Variants in NXPE4 observed in about 807,000 individuals in gnomAD.
The protein encoded by NXPE4 is neurexophilin and PC-esterase domain family member 4.
A neutral mutation model predicts 33.3 loss-of-function variants in NXPE4; 42 were observed. That is an observed-to-expected ratio of 1.26 (90% CI 0.98 to 1.63). The LOEUF (loss-of-function observed/expected upper bound fraction) is 1.63, where lower values mean the gene tolerates loss of function less well. Ranked by LOEUF, NXPE4 falls within the 40% of genes most tolerant of loss-of-function variation. The pLI is 0.00. For synonymous variants in NXPE4, 253 were observed against 234.9 expected (o/e 1.08, Z -0.71); for missense variants, 709 against 647.6 (o/e 1.09, Z -1.03).
the NXPE4 span, among the ~76,000 whole-genome samples, chr11:114,629,541 A>G: frequency 6.6e-6 from 1 of 151,966 alleles, no homozygotes; most frequent in Admixed American, 6.6e-5. Context: ...AGAGCTATCT[A>G]TGACAAACCC....
chr11:114,625,715 C>A, the NXPE4 span, among the ~76,000 whole-genome samples: 1 of 152,142 alleles, frequency 6.6e-6, no homozygotes, highest in Non-Finnish European at 1.5e-5. Flanking sequence ...CAGCTCCCAG[C>A]ATGAGCGACG....
the NXPE4 span, among the ~76,000 whole-genome samples, chr11:114,603,064 G>T: frequency 6.6e-6 from 1 of 151,196 alleles, no homozygotes; most frequent in Non-Finnish European, 1.5e-5. Flanking sequence ...TGTCTCATAG[G>T]TAACTATTAT....
At chr11:114,627,846 C>G in the NXPE4 span, among the ~76,000 whole-genome samples, 2 of 150,344 alleles carry the variant, frequency 1.3e-5, no homozygotes, top group African/African-American at 4.9e-5. Flanking sequence ...AAATGGAAAA[C>G]AAAAAAATGC....
chr11:114,588,959 T>C (rs982218826), intron 2 of NXPE4, among the ~76,000 whole-genome samples: 1 of 152,078 alleles, frequency 6.6e-6, no homozygotes, highest in African/African-American at 2.4e-5. Context: ...GTGGCCACCT[T>C]AGTCTTTTAT....
At chr11:114,636,922 A>G in the NXPE4 span, among the ~76,000 whole-genome samples, 2 of 152,136 alleles carry the variant, frequency 1.3e-5, no homozygotes, top group Admixed American at 6.6e-5. Context: ...TGTGTTGCTG[A>G]AAAAAATGTA....
chr11:114,666,174 A>G, the NXPE4 span, among the ~76,000 whole-genome samples: 1 of 152,066 alleles, frequency 6.6e-6, no homozygotes, highest in Admixed American at 6.6e-5. Flanking sequence ...TAAGGCTCTC[A>G]CATTTTCCCC....
chr11:114,622,906 G>GTTA, the NXPE4 span, among the ~76,000 whole-genome samples: 4 of 152,190 alleles, frequency 2.6e-5, no homozygotes, highest in African/African-American at 9.6e-5. Context: ...GGTAACCACT[G>GTTA]TTACCCTGTG....
At chr11:114,581,940 C>A (rs1186577935) in intron 3 of NXPE4, among the ~76,000 whole-genome samples, 154 bp from the exon 4 acceptor site, 4 of 152,102 alleles carry the variant, frequency 2.6e-5, no homozygotes, top group African/African-American at 9.7e-5. Flanking sequence ...CATTTCTTTG[C>A]CTATTAGGCT....
chr11:114,644,986 T>C, the NXPE4 span, among the ~76,000 whole-genome samples: 1 of 151,546 alleles, frequency 6.6e-6, no homozygotes, highest in Non-Finnish European at 1.5e-5. Flanking sequence ...AAACACTTAA[T>C]AAATGATTAT....
chr11:114,666,221 G>T, the NXPE4 span, among the ~76,000 whole-genome samples: 1 of 151,918 alleles, frequency 6.6e-6, no homozygotes, highest in Admixed American at 6.6e-5. Context: ...CTTTGCTACC[G>T]TATAGCAGAT....
chr11:114,606,110 T>C, the NXPE4 span, among the ~76,000 whole-genome samples: 1 of 150,928 alleles, frequency 6.6e-6, no homozygotes, highest in African/African-American at 2.4e-5. Flanking sequence ...GCCACTGTTA[T>C]CTGGTGGATA....
chr11:114,639,816 A>C, the NXPE4 span, among the ~76,000 whole-genome samples: 2 of 120,854 alleles, frequency 1.7e-5, no homozygotes, highest in Non-Finnish European at 3.2e-5. Context: ...AAAATAATAT[A>C]AAATATAATA....
At chr11:114,584,243 A>G (rs555374504) in intron 2 of NXPE4, 15 of 454,144 alleles carry the variant, frequency 3.3e-5, no homozygotes, top group South Asian at 2.3e-4. Context: ...GAGCCTTCAT[A>G]CAATGATTAC....
intron 2 of NXPE4, chr11:114,583,577 TTC>T: frequency 3.4e-6 from 2 of 595,330 alleles, no homozygotes; most frequent in Admixed American, 3.7e-5. Flanking sequence ...CCTGTTTGAC[TTC>T]TGTCAGTTGT....
the NXPE4 span, among the ~76,000 whole-genome samples, chr11:114,663,586 C>CT: frequency 1.4e-4 from 19 of 132,876 alleles, no homozygotes; most frequent in Admixed American, 1.1e-3. Context: ...CTCTATCTAT[C>CT]ATCTATCTAT....
At chr11:114,632,698 T>A in the NXPE4 span, among the ~76,000 whole-genome samples, 2 of 71,244 alleles carry the variant, frequency 2.8e-5, no homozygotes, top group Non-Finnish European at 4.9e-5. Context: ...ATTTATATAT[T>A]TATATAATAT....
At chr11:114,644,134 A>T in the NXPE4 span, among the ~76,000 whole-genome samples, 1 of 152,170 alleles carries the variant, frequency 6.6e-6, no homozygotes, top group East Asian at 1.9e-4. Flanking sequence ...GAAGTTGCTT[A>T]TCAGCTTAAG....
At chr11:114,580,434 G>T in intron 4 of NXPE4, 96 bp from the exon 5 acceptor site, 2 of 976,054 alleles carry the variant, frequency 2.0e-6, no homozygotes, top group Non-Finnish European at 3.2e-6. Context: ...CCTAAGAGGG[G>T]GTAAGGTGGT....
At chr11:114,577,801 GC>G (rs1275694521) in intron 5 of NXPE4, among the ~76,000 whole-genome samples, 6 of 152,132 alleles carry the variant, frequency 3.9e-5, no homozygotes, top group Non-Finnish European at 8.8e-5. Flanking sequence ...TATTTCCCCA[GC>G]CACTCTTTAA....
Sources: gnomAD v4.1 joint callset for allele counts (sites outside exome capture counted in the v4.1 genomes callset) on GRCh38, gnomAD v4.1.1 for gene constraint, MANE v1.5 for transcripts, NCBI Gene and HGNC (gene_info 2026-07-23, HGNC 2026-07-21) for gene names.